Variants in MLIP observed in about 807,000 individuals in gnomAD.
MLIP encodes the protein muscular LMNA-interacting protein.
In MLIP, 79 loss-of-function variants were observed where a neutral mutation model predicts 84.8. The ratio of observed to expected loss-of-function variants is 0.93; its 90% CI spans 0.78 to 1.12. The LOEUF is 1.12. MLIP is among the 50% of genes most tolerant of loss of function. The pLI is 0.00. For missense variants in MLIP, 1,257 were observed against 1,160.6 expected (o/e 1.08, Z -1.21); for synonymous variants, 504 against 463.0 (o/e 1.09, Z -1.14).
chr6:54,096,414 T>C (rs1768216807), intron 1 of MLIP, among the ~76,000 whole-genome samples: 1 of 152,128 alleles, frequency 6.6e-6, no homozygotes, highest in Non-Finnish European at 1.5e-5. Context: ...AGAAAGGTCT[T>C]GCTGTTGAGC....
intron 4 of MLIP, among the ~76,000 whole-genome samples, chr6:54,143,898 G>A (rs534378795): frequency 4.6e-5 from 7 of 152,222 alleles, no homozygotes; most frequent in African/African-American, 1.7e-4. Context: ...GATCTAGCAG[G>A]CAGATAGGGA....
At chr6:54,125,365 G>A (rs1195086330) in intron 3 of MLIP, among the ~76,000 whole-genome samples, 2 of 152,188 alleles carry the variant, frequency 1.3e-5, no homozygotes, top group Non-Finnish European at 1.5e-5. Flanking sequence ...ATTTTCCCCT[G>A]TGTATCCTAA....
rs12180409 is a variant in MLIP, at chr6:54,202,305, T to A, written c.2718+72T>A. On this transcript the variant is annotated intron_variant, in intron 11 of 13. Transcript: ENST00000502396. ...TATATATAAAATATATATAAATATA[T>A]AAATATATTTTGATAAATATAAAAT... is the stretch of plus-strand genomic sequence containing the variant. 13 of 770,036 alleles carry A rather than the reference T, an allele frequency of 1.7e-5. No homozygotes were observed. In the African/African-American group the frequency reaches 2.5e-4, roughly 15 times the overall value. 47.7% of individuals were successfully genotyped at this position (770,036 alleles called of 1,614,324 possible). A position where few individuals can be genotyped will look rare whatever the true frequency, so the allele number is the denominator to read the frequency against.
intron 9 of MLIP, among the ~76,000 whole-genome samples, chr6:54,176,420 T>C (rs1215744825): frequency 2.0e-5 from 3 of 152,058 alleles, no homozygotes; most frequent in Admixed American, 2.0e-4. Context: ...TCATTAGTTG[T>C]TATTGATCTG....
chr6:54,131,698 T>C (rs1421886459), intron 3 of MLIP, among the ~76,000 whole-genome samples: 1 of 152,172 alleles, frequency 6.6e-6, no homozygotes, highest in Non-Finnish European at 1.5e-5. Context: ...TTATGGGAAA[T>C]ATAGGATCAA....
At chr6:54,173,127 A>G (rs1336579168) in intron 9 of MLIP, among the ~76,000 whole-genome samples, 2 of 151,744 alleles carry the variant, frequency 1.3e-5, no homozygotes, top group Admixed American at 6.6e-5. Context: ...CATTTAAACC[A>G]TATATCAAAG....
chr6:54,047,365 C>T (rs1032853830), intron 1 of MLIP: 2 of 152,200 alleles, frequency 1.3e-5, no homozygotes, highest in African/African-American at 4.8e-5. Context: ...AATTCTGTTG[C>T]AGGCACTTAG....
chr6:54,152,536 A>G (rs1019511197), intron 5 of MLIP, among the ~76,000 whole-genome samples: 1 of 152,080 alleles, frequency 6.6e-6, no homozygotes, highest in Non-Finnish European at 1.5e-5. Context: ...CCTGAGACTT[A>G]CTCATTATCA....
In MLIP at chr6:54,124,898, A is replaced by G. The variant is rs749541351; in HGVS notation, c.645+33A>G. 5.3e-6 allele frequency: 8 copies of G among 1,523,500 alleles called. No individual in the cohort carries two copies. In the South Asian group the frequency reaches 1.1e-4, roughly 20 times the overall value. 94.4% of individuals were successfully genotyped at this position (1,523,500 alleles called of 1,614,324 possible). A position where few individuals can be genotyped will look rare whatever the true frequency, so the allele number is the denominator to read the frequency against. On this transcript the variant is annotated intron_variant, in intron 3 of 13. Transcript: ENST00000502396. ...TTGTGTTCCTGCTGTCCATAAGGAA[A>G]AAAAAAGCGTTTATGCACCCTTTGT...
At chr6:54,117,211 C>CTTTTTTTTTT (rs200691416) in intron 1 of MLIP, among the ~76,000 whole-genome samples, 3 of 117,826 alleles carry the variant, frequency 2.5e-5, no homozygotes, top group Non-Finnish European at 3.5e-5. Context: ...CTATTTCTGT[C>CTTTTTTTTTT]TTTTTTTTTT....
intron 12 of MLIP, among the ~76,000 whole-genome samples, chr6:54,248,526 T>C (rs900184335): frequency 6.6e-6 from 1 of 152,110 alleles, no homozygotes. Flanking sequence ...CAACTCTAGA[T>C]GAAAAATGTA....
At chr6:54,250,671 T>C (rs1582626775) in intron 12 of MLIP, among the ~76,000 whole-genome samples, 1 of 152,124 alleles carries the variant, frequency 6.6e-6, no homozygotes, top group South Asian at 2.1e-4. Flanking sequence ...TTCTCTGTCC[T>C]CAGTTTCTGA....
At chr6:54,145,316 A>G (rs559650203) in intron 4 of MLIP, among the ~76,000 whole-genome samples, 1 of 152,350 alleles carries the variant, frequency 6.6e-6, no homozygotes, top group South Asian at 2.1e-4. Context: ...TAGAATAAAA[A>G]ATTCATATTT....
intron 11 of MLIP, among the ~76,000 whole-genome samples, chr6:54,206,698 A>C (rs1435869534): frequency 1.3e-5 from 2 of 152,168 alleles, no homozygotes; most frequent in East Asian, 3.9e-4. Flanking sequence ...TTCAACTTTG[A>C]TGATTATGTC....
intron 12 of MLIP, among the ~76,000 whole-genome samples, chr6:54,242,798 T>C (rs1468552735): frequency 1.3e-5 from 2 of 152,194 alleles, no homozygotes; most frequent in African/African-American, 4.8e-5. Context: ...GCTTCAAAAT[T>C]AGAAAAATGA....
intron 11 of MLIP, 28 bp downstream of exon 11, chr6:54,202,261 C>T: frequency 3.9e-6 from 5 of 1,281,762 alleles, no homozygotes; most frequent in Non-Finnish European, 5.0e-6. Context: ...AAAATGTTTG[C>T]TATTTTGATA....
rs578150480 is a variant in MLIP, at chr6:54,210,068, A to G, written c.2718+7835A>G. On this transcript the variant is annotated intron_variant, in intron 11 of 13. Coordinates refer to ENST00000502396, the MANE Select transcript of MLIP (RefSeq NM_001281747.2). ...GAATTAATGCTAAAGTGTCAGGAAG[A>G]AATTAATTTAGCTTCAATAATTGTG... Among the ~76,000 whole-genome samples the G allele has an allele frequency of 2.8e-4, 43 of 152,300 alleles. No homozygotes were observed. In the South Asian group the frequency reaches 5.4e-3, roughly 19 times the overall value.
chr6:54,264,956 T>C (rs1206250827), intron 13 of MLIP, among the ~76,000 whole-genome samples: 1 of 152,090 alleles, frequency 6.6e-6, no homozygotes, highest in African/African-American at 2.4e-5. Flanking sequence ...CACAATCCTG[T>C]TTAGCTGCTT....
At chr6:54,045,181 C>G (rs1199703871) in intron 1 of MLIP, among the ~76,000 whole-genome samples, 2 of 151,898 alleles carry the variant, frequency 1.3e-5, no homozygotes, top group African/African-American at 4.8e-5. Context: ...AAACCTATCT[C>G]TACTAAAAAT....
Sources: gnomAD v4.1 joint callset for allele counts (sites outside exome capture counted in the v4.1 genomes callset) on GRCh38, gnomAD v4.1.1 for gene constraint, MANE v1.5 for transcripts, NCBI Gene and HGNC (gene_info 2026-07-23, HGNC 2026-07-21) for gene names.